Variants in CTTNBP2 observed in about 807,000 individuals in gnomAD.
CTTNBP2 encodes cortactin-binding protein 2.
In CTTNBP2, 108 loss-of-function variants were observed where a neutral mutation model predicts 156.9. The ratio of observed to expected loss-of-function variants is 0.69; its 90% CI spans 0.59 to 0.81. The LOEUF is 0.81. CTTNBP2 is among the 30% of genes least tolerant of loss of function. The pLI is 0.00. For missense variants in CTTNBP2, 1,924 were observed against 2,035.4 expected (o/e 0.95, Z 1.05); for synonymous variants, 767 against 751.8 (o/e 1.02, Z -0.33).
chr7:117,741,488 C>T (rs989326204), intron 14 of CTTNBP2, among the ~76,000 whole-genome samples: 5 of 146,628 alleles, frequency 3.4e-5, no homozygotes, highest in Non-Finnish European at 6.2e-5. Flanking sequence ...CAATCATTTG[C>T]AATTTTAAAA....
chr7:117,820,222 T>C (rs1401618057), intron 2 of CTTNBP2, among the ~76,000 whole-genome samples: 1 of 152,194 alleles, frequency 6.6e-6, no homozygotes, highest in Non-Finnish European at 1.5e-5. Flanking sequence ...AAATTATCAG[T>C]GCACATAAAG....
intron 10 of CTTNBP2, among the ~76,000 whole-genome samples, chr7:117,759,745 C>T (rs1562979608): frequency 2.6e-5 from 4 of 152,210 alleles, no homozygotes; most frequent in Non-Finnish European, 5.9e-5. Context: ...TGTAAAATGA[C>T]ACCACTGAAA....
chr7:117,840,841 G>A (rs1165121259), intron 2 of CTTNBP2, among the ~76,000 whole-genome samples: 1 of 152,100 alleles, frequency 6.6e-6, no homozygotes, highest in Non-Finnish European at 1.5e-5. Context: ...GGACTCTGAA[G>A]GAAGAATGGG....
rs745575366 is a variant in CTTNBP2 at position 117,767,174 on chromosome 7, G to A, written c.2781C>T (p.Asn927=). 9 of 1,555,552 alleles carry A rather than the reference G, an allele frequency of 5.8e-6. No homozygotes were observed. In the South Asian group the frequency reaches 1.0e-4, roughly 17 times the overall value. Residue 927 remains asparagine, a splice_region_variant and synonymous_variant, in exon 9 of 23, where the codon AAC becomes AAT. Transcript: ENST00000160373. ...CGTGCCTACACAAGATTTCTAGGCAGTTCTATAAAGACAAGAGCTCTATTA... is the reference window on the plus strand; with the variant it reads ...CGTGCCTACACAAGATTTCTAGGCAATTCTATAAAGACAAGAGCTCTATTA... The part of the protein sequence containing the change: ...AHIAASKGFK[N]CLEILCRHGG...
At chr7:117,807,706 G>C (rs571943387) in intron 3 of CTTNBP2, among the ~76,000 whole-genome samples, 3 of 152,288 alleles carry the variant, frequency 2.0e-5, no homozygotes, top group East Asian at 3.9e-4. Flanking sequence ...TCAGGATCTG[G>C]AGCAGTGAGG....
intron 2 of CTTNBP2, among the ~76,000 whole-genome samples, chr7:117,849,757 C>T (rs1028291046): frequency 2.0e-5 from 3 of 152,174 alleles, no homozygotes; most frequent in African/African-American, 7.2e-5. Context: ...AGAAGCCGTC[C>T]ATAATTCATC....
chr7:117,773,648 A>AAAAC (rs1463020234), intron 8 of CTTNBP2, among the ~76,000 whole-genome samples: 3 of 95,132 alleles, frequency 3.2e-5, no homozygotes, highest in Admixed American at 1.2e-4. Context: ...GCTTAGAGTT[A>AAAAC]ACACACACAC....
chr7:117,841,380 G>A (rs1802268095), intron 2 of CTTNBP2, among the ~76,000 whole-genome samples: 2 of 151,880 alleles, frequency 1.3e-5, no homozygotes, highest in South Asian at 4.1e-4. Context: ...CTTGAATCCT[G>A]GACCATACCT....
rs1796308008 is a variant in CTTNBP2 at position 117,745,947 on chromosome 7, G to A, written c.3436-17C>T. 1 of 1,612,404 alleles carries A rather than the reference G, an allele frequency of 6.2e-7. No homozygotes were observed. The highest frequency in any genetic ancestry group is 8.5e-7 in the Non-Finnish European group (1 of 1,178,376). On this transcript the variant is annotated splice_polypyrimidine_tract_variant and intron_variant, in intron 13 of 22. Coordinates refer to ENST00000160373, the MANE Select transcript of CTTNBP2 (RefSeq NM_033427.3). Reference sequence around the variant, plus strand: ...TTGTCTGTGCTGTGATAAGAAAATAGGGTGATTAGTTCTACGCACTTGCCA... The same window carrying A: ...TTGTCTGTGCTGTGATAAGAAAATAAGGTGATTAGTTCTACGCACTTGCCA...
intron 2 of CTTNBP2, among the ~76,000 whole-genome samples, chr7:117,815,041 C>T (rs1215334384): frequency 1.3e-5 from 2 of 152,180 alleles, no homozygotes; most frequent in Non-Finnish European, 2.9e-5. Context: ...ACATCCTAAA[C>T]TCATATTTAT....
In CTTNBP2 at chr7:117,757,965, C is replaced by T. The variant is rs1474822221; in HGVS notation, c.3178G>A (p.Val1060Met). ...AAGCTCTGACCCACTGACCACGGCA[C>T]ATTTCCTAGTTTCAAAAAATGAAAT... ...RSIRSITLGNVPWSVGQSFAQ... is the reference protein window; with the variant it reads ...RSIRSITLGNMPWSVGQSFAQ... Residue 1060 changes from valine to methionine, a missense_variant, in exon 11 of 23, where the codon GTG becomes ATG. Coordinates refer to ENST00000160373, the MANE Select transcript of CTTNBP2 (RefSeq NM_033427.3). 4 of 1,611,522 alleles carry T rather than the reference C, an allele frequency of 2.5e-6. No individual in the cohort carries two copies. Among genetic ancestry groups the T allele is most frequent in the African/African-American group, 1.3e-5 (1 of 74,774 alleles).
chr7:117,773,262 T>G (rs1797887800), intron 8 of CTTNBP2, among the ~76,000 whole-genome samples: 1 of 152,208 alleles, frequency 6.6e-6, no homozygotes, highest in African/African-American at 2.4e-5. Context: ...ATCCAAGTGT[T>G]GGGGCGTCAT....
chr7:117,774,427 G>A (rs545625032), intron 8 of CTTNBP2, among the ~76,000 whole-genome samples: 1 of 152,120 alleles, frequency 6.6e-6, no homozygotes, highest in Non-Finnish European at 1.5e-5. Flanking sequence ...TGGCCTGTTA[G>A]GAACCAGACC....
At chr7:117,736,327 G>A (rs879510401) in intron 14 of CTTNBP2, among the ~76,000 whole-genome samples, 3 of 151,982 alleles carry the variant, frequency 2.0e-5, no homozygotes, top group Non-Finnish European at 4.4e-5. Flanking sequence ...AGGGTGGCAG[G>A]CACCTGTATT....
chr7:117,833,925 A>G lies in CTTNBP2; in HGVS notation c.190-22936T>C, dbSNP rs546866256. On this transcript the variant is annotated intron_variant, in intron 2 of 22. Coordinates refer to ENST00000160373, the MANE Select transcript of CTTNBP2 (RefSeq NM_033427.3). ...TTCTCAGCTGAAAGAAAAAAATGTT[A>G]ATCAGTAATAACCTTAGATGCTGCT... 2.0e-5 allele frequency among the ~76,000 whole-genome samples: 3 copies of G among 152,324 alleles called. No individual in the cohort carries two copies. In the East Asian group the frequency reaches 5.8e-4, roughly 29 times the overall value.
intron 2 of CTTNBP2, among the ~76,000 whole-genome samples, chr7:117,823,175 C>T (rs992873050): frequency 1.3e-5 from 2 of 152,088 alleles, no homozygotes; most frequent in African/African-American, 2.4e-5. Flanking sequence ...TTAGTAAATG[C>T]TACCAACCAG....
intron 22 of CTTNBP2, among the ~76,000 whole-genome samples, chr7:117,717,723 T>C (rs1490376004): frequency 6.7e-6 from 1 of 150,274 alleles, no homozygotes; most frequent in Non-Finnish European, 1.5e-5. Context: ...CTACAATATT[T>C]CTAGTTTTGT....
rs749751383 is a variant in CTTNBP2 at position 117,719,636 on chromosome 7, C to T, written c.4512G>A (p.Lys1504=). The stretch of plus-strand genomic sequence containing the variant: ...TCAGTGATAGATCATTCTCTAAAGA[C>T]CTAACACAAAGTTCAGAAAAACGTT... ...CNRNASLSKQ[K]SLENDLSLTL... The change falls in exon 21 of 23, where the codon AAG becomes AAA. Residue 1504 remains lysine (K), a splice_region_variant and synonymous_variant. Transcript: ENST00000160373. The T allele has an allele frequency of 2.9e-5, 47 of 1,609,106 alleles. No homozygotes were observed. In the South Asian group the frequency reaches 5.1e-4, roughly 17 times the overall value.
In CTTNBP2 at chr7:117,711,423, C is replaced by G; in HGVS notation, c.*114G>C. 3 of 1,221,020 alleles carry G rather than the reference C, an allele frequency of 2.5e-6. No homozygotes were observed. The South Asian group carries it at 4.6e-5, about 19-fold the overall frequency. 75.6% of individuals were successfully genotyped at this position (1,221,020 alleles called of 1,614,324 possible). ...AAAAATTGAATAGTGGTCCCGCACT[C>G]ATAATTTATATTACAGTGAAAACAT... On this transcript the variant is annotated 3_prime_UTR_variant, in exon 23 of 23. Transcript: ENST00000160373.
Sources: gnomAD v4.1 joint callset for allele counts (sites outside exome capture counted in the v4.1 genomes callset) on GRCh38, gnomAD v4.1.1 for gene constraint, MANE v1.5 for transcripts, NCBI Gene and HGNC (gene_info 2026-07-23, HGNC 2026-07-21) for gene names.